ZFC3H1: variants seen among roughly 807,000 people sequenced by gnomAD.
The protein encoded by ZFC3H1 is zinc finger C3H1-type containing, also known as zinc finger C3H1 domain-containing protein.
ZFC3H1 carries 71 observed loss-of-function variants against 243.7 expected under a neutral mutation model. The observed-to-expected ratio is 0.29, with a 90% confidence interval of 0.24 to 0.36. The LOEUF (loss-of-function observed/expected upper bound fraction) is 0.36, where lower values mean the gene tolerates loss of function less well. Ranked by LOEUF, ZFC3H1 falls within the 10% of genes least tolerant of loss-of-function variation. The pLI is 1.00. For synonymous variants in ZFC3H1, 838 were observed against 813.0 expected (o/e 1.03, Z -0.52); for missense variants, 1,966 against 2,317.1 (o/e 0.85, Z 3.11).
At position 71,644,925 on chromosome 12, in the gene ZFC3H1, C is replaced by T; in HGVS notation, c.1231G>A (p.Val411Ile). 1 of 1,612,600 alleles carries T rather than the reference C, an allele frequency of 6.2e-7. No homozygotes were observed. Residue 411 changes from valine (V) to isoleucine (I), a missense_variant, in exon 4 of 35, where the codon GTT becomes ATT. Coordinates refer to ENST00000378743, the MANE Select transcript of ZFC3H1 (RefSeq NM_144982.5). ...LTKTKTVQQK[V>I]KTSTKTHSAK... Reference sequence around the variant, plus strand: ...GAATGTGTTTTTGTACTTGTTTTAACTTTTTGCTGTACAGTTTTCGTCTTA... The same window carrying T: ...GAATGTGTTTTTGTACTTGTTTTAATTTTTTGCTGTACAGTTTTCGTCTTA...
chr12:71,655,821 G>C (rs1000767245), intron 2 of ZFC3H1, among the ~76,000 whole-genome samples: 6 of 151,396 alleles, frequency 4.0e-5, no homozygotes, highest in South Asian at 4.2e-4. Context: ...AGGAAAAAGA[G>C]GGGGGGGAAA....
rs1565814927 is a variant in ZFC3H1 at position 71,633,378 on chromosome 12, C to T, written c.2571G>A (p.Lys857=). 4 of 1,596,200 alleles carry T rather than the reference C, an allele frequency of 2.5e-6. No individual in the cohort carries two copies. Among genetic ancestry groups the T allele is most frequent in the Non-Finnish European group, 8.5e-7 (1 of 1,170,928 alleles). The change falls in exon 13 of 35, where the codon AAG becomes AAA. Residue 857 remains lysine, a synonymous_variant. Transcript: ENST00000378743. ...LKNLVQQEAK[K]KESVRNAEAK... is the part of the protein sequence containing the mutation. ...CTTCAGCATTTCTAACAGATTCTTT[C>T]TTCTTAGCTTCTTGTTGCACTAAAT...
intron 4 of ZFC3H1, 130 bp from the exon 5 acceptor site, chr12:71,644,448 C>A: frequency 1.0e-6 from 1 of 965,536 alleles, no homozygotes. Flanking sequence ...AGATTGTCTT[C>A]CATTTTAGGG....
intron 2 of ZFC3H1, 34 bp from the exon 3 acceptor site, chr12:71,647,847 A>C: frequency 1.2e-6 from 1 of 851,000 alleles, no homozygotes; most frequent in South Asian, 1.7e-5. Flanking sequence ...TGAATAATCC[A>C]AAAGATAGCC....
Position 71,663,724 on chromosome 12 carries a change from C to A in ZFC3H1, c.-114G>T. ...TGGGTCGGTGCGGTCTTACCCTACTCGGACACCAAGCGGCCTCTGCTCCCC... is the reference window on the plus strand; with the variant it reads ...TGGGTCGGTGCGGTCTTACCCTACTAGGACACCAAGCGGCCTCTGCTCCCC... On this transcript the variant is annotated 5_prime_UTR_variant, in exon 1 of 35. Transcript: ENST00000378743. 1 of 1,294,676 alleles carries A rather than the reference C, an allele frequency of 7.7e-7. No homozygotes were observed. 80.2% of individuals were successfully genotyped at this position (1,294,676 alleles called of 1,614,324 possible).
At chr12:71,662,946 G>T in intron 1 of ZFC3H1, 67 bp downstream of exon 1, 1 of 1,433,842 alleles carries the variant, frequency 7.0e-7, no homozygotes, top group Non-Finnish European at 9.4e-7. Flanking sequence ...TCGTCTCACA[G>T]ACCTAGTAAT....
chr12:71,618,120 C>T (rs1248039851), intron 27 of ZFC3H1, among the ~76,000 whole-genome samples: 1 of 151,856 alleles, frequency 6.6e-6, no homozygotes, highest in Non-Finnish European at 1.5e-5. Flanking sequence ...AAAAAATTAG[C>T]CGGGCGTGGG....
rs1333857745 is a variant in ZFC3H1, at chr12:71,611,836, T to C, written c.5679A>G (p.Gln1893=). The change falls in exon 32 of 35, where the codon CAA becomes CAG. Residue 1893 remains glutamine (Q), a synonymous_variant. Transcript: ENST00000378743. The part of the protein sequence containing the change: ...EESNVQILKL[Q]AKMFTYNIPT... ...GGATATTATATGTAAACATCTTGGC[T>C]TGAAGTTTCAGAATCTGAACATTGC... 6.2e-7 allele frequency: 1 copy of C among 1,609,318 alleles called. No homozygotes were observed. The highest frequency in any genetic ancestry group is 2.2e-5 in the East Asian group (1 of 44,560).
chr12:71,628,938 G>C lies in ZFC3H1; in HGVS notation c.3926C>G (p.Ser1309Cys), dbSNP rs1339281151. ...CTTACCATACTTAATTGGTCCTGTA[G>C]ACTGTTCCTCATCACTACTGAAGCT... ...DNSFSSDEEQSTGPIKYAFQP... is the reference protein window; with the variant it reads ...DNSFSSDEEQCTGPIKYAFQP... Residue 1309 changes from serine to cysteine, a missense_variant, in exon 20 of 35, where the codon TCT (serine) becomes TGT (cysteine). Transcript: ENST00000378743. 6.2e-7 allele frequency: 1 copy of C among 1,609,084 alleles called. No individual in the cohort carries two copies.
At chr12:71,632,605 T>A in intron 14 of ZFC3H1, 91 bp from the exon 15 acceptor site, 1 of 1,406,612 alleles carries the variant, frequency 7.1e-7, no homozygotes, top group Non-Finnish European at 9.4e-7. Flanking sequence ...CACCATACAA[T>A]GCCAACATTA....
rs1880210742 is a variant in ZFC3H1 at position 71,627,910 on chromosome 12, T to C, written c.3971A>G (p.Asn1324Ser). 4 of 1,612,536 alleles carry C rather than the reference T, an allele frequency of 2.5e-6. No individual in the cohort carries two copies. The East Asian group carries it at 6.7e-5, about 27-fold the overall frequency. The change falls in exon 21 of 35, where the codon AAT becomes AGT. Residue 1324 changes from asparagine to serine, a missense_variant. Physicochemically the swap from Asn to Ser is conservative, Grantham distance 46 (BLOSUM62 1). This residue lies in a region of ZFC3H1 where 1,383 missense variants were observed against 1,723.7 expected (regional missense o/e 0.80). Coordinates refer to ENST00000378743, the MANE Select transcript of ZFC3H1 (RefSeq NM_144982.5). ...KYAFQPENQINVPALDTVVTP... is the reference protein window; with the variant it reads ...KYAFQPENQISVPALDTVVTP... Reference sequence around the variant, plus strand: ...GACAACTGTATCCAGAGCTGGAACATTTATTTGGTTCTCTGGCTGGAAAGC... The same window carrying C: ...GACAACTGTATCCAGAGCTGGAACACTTATTTGGTTCTCTGGCTGGAAAGC...
chr12:71,612,579 A>G (rs1411599106), intron 31 of ZFC3H1, among the ~76,000 whole-genome samples: 1 of 152,146 alleles, frequency 6.6e-6, no homozygotes, highest in African/African-American at 2.4e-5. Flanking sequence ...TAGTTTTTAA[A>G]CTTTTATACG....
chr12:71,632,820 T>A (rs1592592596), intron 14 of ZFC3H1, 66 bp downstream of exon 14: 5 of 1,581,804 alleles, frequency 3.2e-6, no homozygotes, highest in Non-Finnish European at 3.4e-6. Flanking sequence ...ATATACATCT[T>A]ACCCTTAAAA....
chr12:71,631,423 AG>A (rs1423510733), intron 16 of ZFC3H1, among the ~76,000 whole-genome samples: 1 of 152,160 alleles, frequency 6.6e-6, no homozygotes, highest in Non-Finnish European at 1.5e-5. Context: ...AATTTTATGA[AG>A]GCTGGCCAAT....
At chr12:71,630,476 A>G (rs979100469) in intron 18 of ZFC3H1, 124 bp downstream of exon 18, 25 of 1,283,212 alleles carry the variant, frequency 1.9e-5, no homozygotes, top group Non-Finnish European at 2.4e-5. Flanking sequence ...AAATCTAGAT[A>G]AAGTATTATG....
chr12:71,648,654 C>T (rs1367189194), intron 2 of ZFC3H1, among the ~76,000 whole-genome samples: 5 of 152,198 alleles, frequency 3.3e-5, no homozygotes, highest in Non-Finnish European at 5.9e-5. Context: ...GAATACGTGA[C>T]TTATTCAATA....
chr12:71,653,326 C>T (rs1020466984), intron 2 of ZFC3H1, among the ~76,000 whole-genome samples: 15 of 152,072 alleles, frequency 9.9e-5, no homozygotes, highest in Admixed American at 5.9e-4. Context: ...AAAGATGTAT[C>T]AGAGGAAATT....
At chr12:71,649,565 T>C (rs1221731091) in intron 2 of ZFC3H1, among the ~76,000 whole-genome samples, 1 of 152,220 alleles carries the variant, frequency 6.6e-6, no homozygotes, top group Non-Finnish European at 1.5e-5. Flanking sequence ...CTAACCCCAT[T>C]TTCTCCACAC....
rs779731534 is a variant in ZFC3H1, at chr12:71,663,454, G to A, written c.157C>T (p.Pro53Ser). Residue 53 changes from proline to serine, a missense_variant, in exon 1 of 35, where the codon CCG becomes TCG. Pro to Ser is a moderately conservative substitution (Grantham distance 74). Transcript: ENST00000378743. Reference sequence around the variant, plus strand: ...GCCGAGTGAGGAGGCCTTCGCCGCGGATAGGGTAACAGCCCGCCGCCGCTG... The same window carrying A: ...GCCGAGTGAGGAGGCCTTCGCCGCGAATAGGGTAACAGCCCGCCGCCGCTG... ...SSSGGGLLPYPRRRPPHSARG... is the reference protein window; with the variant it reads ...SSSGGGLLPYSRRRPPHSARG... 2 of 1,612,214 alleles carry A rather than the reference G, an allele frequency of 1.2e-6. No homozygotes were observed. Among genetic ancestry groups the A allele is most frequent in the African/African-American group, 2.7e-5 (2 of 74,956 alleles).
Sources: gnomAD v4.1 joint callset for allele counts (sites outside exome capture counted in the v4.1 genomes callset) on GRCh38, gnomAD v4.1.1 for gene constraint, gnomAD v4.1.1 regional missense constraint, MANE v1.5 for transcripts, NCBI Gene and HGNC (gene_info 2026-07-23, HGNC 2026-07-21) for gene names.